The following DYRK2 variants were observed in gnomAD, a reference collection of about 807,000 sequenced individuals.
DYRK2 encodes dual specificity tyrosine-phosphorylation-regulated kinase 2.
Under a neutral mutation model 41.6 loss-of-function variants are expected in DYRK2, and 12 were observed. That is an observed-to-expected ratio of 0.29 (90% CI 0.18 to 0.47). DYRK2 has a LOEUF of 0.47. DYRK2 is among the 20% of genes least tolerant of loss of function. The pLI is 1.00. For synonymous variants in DYRK2, 322 were observed against 315.7 expected, an observed-to-expected ratio of 1.02 and a Z score of -0.21; for missense variants, 678 against 798.4, an observed-to-expected ratio of 0.85 and a Z score of 1.82.
chr12:67,652,122 G>A (rs773846584), intron 2 of DYRK2, among the ~76,000 whole-genome samples: 19 of 152,102 alleles, frequency 1.2e-4, no homozygotes, highest in Non-Finnish European at 2.1e-4. Context: ...TCTTACAGGT[G>A]ATATAGTAGG....
At position 67,661,917 on chromosome 12, in the gene DYRK2, T is replaced by G. The variant is rs560139759; in HGVS notation, c.*3204T>G. On this transcript the variant is annotated 3_prime_UTR_variant, in exon 3 of 3. Coordinates refer to ENST00000344096, the MANE Select transcript of DYRK2 (RefSeq NM_006482.3). Reference sequence around the variant, plus strand: ...GCATTTGGTATGAACCAAAGTGCATTCCTTTTATATGTGCCTGGCTCTAGT... The same window carrying G: ...GCATTTGGTATGAACCAAAGTGCATGCCTTTTATATGTGCCTGGCTCTAGT... 1.3e-4 allele frequency: 21 copies of G among 166,974 alleles called. No individual in the cohort carries two copies. Among genetic ancestry groups the G allele is most frequent in the African/African-American group, 4.6e-4 (19 of 41,576 alleles). The allele number at this position is 166,974 out of a possible 1,614,324, so 10.3% of individuals were successfully genotyped here.
intron 1 of DYRK2, among the ~76,000 whole-genome samples, chr12:67,649,403 G>T (rs1234235173): frequency 6.6e-6 from 1 of 151,742 alleles, no homozygotes; most frequent in East Asian, 2.0e-4. Flanking sequence ...GCTTCTGCCT[G>T]CCGGGGGCCC....
chr12:67,655,897 G>A (rs1028164085), intron 2 of DYRK2, among the ~76,000 whole-genome samples: 8 of 152,218 alleles, frequency 5.3e-5, no homozygotes, highest in Non-Finnish European at 1.0e-4. Context: ...AAAGGGGATA[G>A]TAGAAAAAAT....
rs1381264511 is a variant in DYRK2, at chr12:67,664,507, C to G, written c.*5794C>G. On this transcript the variant is annotated 3_prime_UTR_variant, in exon 3 of 3. Coordinates refer to ENST00000344096, the MANE Select transcript of DYRK2 (RefSeq NM_006482.3). Reference sequence around the variant, plus strand: ...TGAACATCAGTTTATCCTTATACATCCCTATGAGCTATAATTATCCTCATT... The same window carrying G: ...TGAACATCAGTTTATCCTTATACATGCCTATGAGCTATAATTATCCTCATT... 6.6e-6 allele frequency: 1 copy of G among 152,104 alleles called. No homozygotes were observed. Among genetic ancestry groups the G allele is most frequent in the East Asian group, 1.9e-4 (1 of 5,200 alleles). 9.4% of individuals were successfully genotyped at this position (152,104 alleles called of 1,614,324 possible). A position where few individuals can be genotyped will look rare whatever the true frequency, so the allele number is the denominator to read the frequency against.
chr12:67,657,121 CACA>C lies in DYRK2; in HGVS notation c.215_217del (p.His72_Thr73delinsPro). ...TGAATTCCAGATTGGCGGCAGTAAG[CACA>C]CAATGAATGATCACCTGCATGTCGG... On this transcript the variant is annotated inframe_deletion, in exon 3 of 3. Coordinates refer to ENST00000344096, the MANE Select transcript of DYRK2 (RefSeq NM_006482.3). This position sits in a 1 kb window ranked among gnomAD's most constrained non-coding sequence, Gnocchi z 4.8. 6.4e-7 allele frequency: 1 copy of C among 1,558,230 alleles called. No individual in the cohort carries two copies. Among genetic ancestry groups the C allele is most frequent in the Non-Finnish European group, 8.7e-7 (1 of 1,152,412 alleles).
chr12:67,665,267 C>T lies in DYRK2; in HGVS notation c.*6554C>T, dbSNP rs539912530. The T allele has an allele frequency of 6.6e-6, 1 of 152,182 alleles. No individual in the cohort carries two copies. Among genetic ancestry groups the T allele is most frequent in the South Asian group, 2.1e-4 (1 of 4,824 alleles). The allele number at this position is 152,182 out of a possible 1,614,324, so 9.4% of individuals were successfully genotyped here. ...TCTTCATTTGTAAAAATGAAGTATG[C>T]TATTTGCAAAGCAAAAGCCCATGAA... On this transcript the variant is annotated 3_prime_UTR_variant, in exon 3 of 3. Coordinates refer to ENST00000344096, the MANE Select transcript of DYRK2 (RefSeq NM_006482.3).
chr12:67,650,277 C>G lies in DYRK2; in HGVS notation c.198+332C>G, dbSNP rs537203452. On this transcript the variant is annotated intron_variant, in intron 2 of 2. Transcript: ENST00000344096. Reference sequence around the variant, plus strand: ...GCATCCCAGAGTTCCCTTCCCTGACCCGGTAAACATCTCTGTCCTTCCCCC... The same window carrying G: ...GCATCCCAGAGTTCCCTTCCCTGACGCGGTAAACATCTCTGTCCTTCCCCC... Among the ~76,000 whole-genome samples, 4 of 152,304 alleles carry G rather than the reference C, an allele frequency of 2.6e-5. No individual in the cohort carries two copies. The South Asian group carries it at 8.3e-4, about 32-fold the overall frequency.
In DYRK2 at chr12:67,657,312, G is replaced by T; in HGVS notation, c.405G>T (p.Gly135=). 1 of 1,613,960 alleles carries T rather than the reference G, an allele frequency of 6.2e-7. No individual in the cohort carries two copies. The highest frequency in any genetic ancestry group is 1.1e-5 in the South Asian group (1 of 91,026). Residue 135 remains glycine, a synonymous_variant, in exon 3 of 3, where the codon GGG becomes GGT. Transcript: ENST00000344096. This position sits in a 1 kb window ranked among gnomAD's most constrained non-coding sequence, Gnocchi z 4.8. ...TGGACAGCATTCATAGACGGCAGGG[G>T]AGCTCCACCTCTCTAAAGTCCATGG... The part of the protein sequence containing the change: ...RQLDSIHRRQ[G]SSTSLKSMEG...
chr12:67,648,866 C>T lies in DYRK2; in HGVS notation c.-268C>T, dbSNP rs1041418380. The T allele has an allele frequency of 4.7e-5, 13 of 278,726 alleles. No individual in the cohort carries two copies. Among genetic ancestry groups the T allele is most frequent in the Non-Finnish European group, 8.6e-5 (13 of 151,286 alleles). 17.3% of individuals were successfully genotyped at this position (278,726 alleles called of 1,614,324 possible). A position where few individuals can be genotyped will look rare whatever the true frequency, so the allele number is the denominator to read the frequency against. Reference sequence around the variant, plus strand: ...CCGCGGCGCGCAGGGGAGGGCGAGGCATGTGCACGGGCCGGAGGGTGCTGC... The same window carrying T: ...CCGCGGCGCGCAGGGGAGGGCGAGGTATGTGCACGGGCCGGAGGGTGCTGC... On this transcript the variant is annotated 5_prime_UTR_variant, in exon 1 of 3. Transcript: ENST00000344096.
At chr12:67,653,618 A>G (rs1366092583) in intron 2 of DYRK2, among the ~76,000 whole-genome samples, 1 of 152,232 alleles carries the variant, frequency 6.6e-6, no homozygotes, top group Non-Finnish European at 1.5e-5. Flanking sequence ...CTTGTGACTT[A>G]GGTCACCAGG....
At chr12:67,655,286 C>T (rs1418952557) in intron 2 of DYRK2, among the ~76,000 whole-genome samples, 1 of 152,176 alleles carries the variant, frequency 6.6e-6, no homozygotes, top group East Asian at 1.9e-4. Flanking sequence ...AATATCACCA[C>T]TCCACTCTAA....
intron 2 of DYRK2, among the ~76,000 whole-genome samples, chr12:67,656,086 G>T (rs955568190): frequency 6.6e-6 from 1 of 152,200 alleles, no homozygotes; most frequent in African/African-American, 2.4e-5. Context: ...ACTAGGGGTT[G>T]TCCAAGGCAG....
chr12:67,659,003 T>C lies in DYRK2; in HGVS notation c.*290T>C. 1 of 281,270 alleles carries C rather than the reference T, an allele frequency of 3.6e-6. No individual in the cohort carries two copies. Among genetic ancestry groups the C allele is most frequent in the Non-Finnish European group, 7.0e-6 (1 of 142,964 alleles). The allele number at this position is 281,270 out of a possible 1,614,324, so 17.4% of individuals were successfully genotyped here. Reference sequence around the variant, plus strand: ...ATAACATCAGTGGCAGGCCACTGATTACTTCATGACTGCCACGCATTTACA... The same window carrying C: ...ATAACATCAGTGGCAGGCCACTGATCACTTCATGACTGCCACGCATTTACA... On this transcript the variant is annotated 3_prime_UTR_variant, in exon 3 of 3. Coordinates refer to ENST00000344096, the MANE Select transcript of DYRK2 (RefSeq NM_006482.3).
Position 67,657,400 on chromosome 12 carries a change from C to G in DYRK2, c.493C>G (p.Gln165Glu), listed in dbSNP as rs1220515482. Residue 165 changes from glutamine to glutamate, a missense_variant, in exon 3 of 3, where the codon CAA becomes GAA. By Grantham distance (29) the Gln-to-Glu change is conservative (BLOSUM62 2). Around this residue, in one of 2 missense-constraint regions of DYRK2, gnomAD observed 285 missense variants for 279.2 expected, o/e 1.02. Transcript: ENST00000344096. The surrounding 1 kb of genome is among the most constrained non-coding windows in gnomAD (Gnocchi z 4.8). ...TGAACAAGCAATGAAGCAATACATG[C>G]AAAAACTCACAGCCTTCGAACACCA... Reference protein sequence around the residue: ...TPEQAMKQYMQKLTAFEHHEI... With the variant: ...TPEQAMKQYMEKLTAFEHHEI... 5 of 1,614,000 alleles carry G rather than the reference C, an allele frequency of 3.1e-6. No individual in the cohort carries two copies. The highest frequency in any genetic ancestry group is 1.3e-5 in the African/African-American group (1 of 74,902).
At position 67,649,094 on chromosome 12, in the gene DYRK2, G is replaced by A; in HGVS notation, c.-40G>A. 1 of 1,466,322 alleles carries A rather than the reference G, an allele frequency of 6.8e-7. No homozygotes were observed. Among genetic ancestry groups the A allele is most frequent in the East Asian group, 3.0e-5 (1 of 32,990 alleles). The allele number at this position is 1,466,322 out of a possible 1,614,324, so 90.8% of individuals were successfully genotyped here. On this transcript the variant is annotated 5_prime_UTR_variant, in exon 1 of 3. Transcript: ENST00000344096. ...AGAAGTAGCAGCAGGACCGGCGGCG[G>A]CGACGGCAGCCCTGAAATGCATTTT...
rs61733656 is a variant in DYRK2, at chr12:67,658,304, C to T, written c.1397C>T (p.Thr466Ile). Reference sequence around the variant, plus strand: ...TCCAAGGGTTATCCCCGTTACTGCACTGTCACGACTCTCTCAGATGGCTCT... The same window carrying T: ...TCCAAGGGTTATCCCCGTTACTGCATTGTCACGACTCTCTCAGATGGCTCT... ...VSSKGYPRYC[T>I]VTTLSDGSVV... Residue 466 changes from threonine (T) to isoleucine (I), a missense_variant, in exon 3 of 3, where the codon ACT becomes ATT. By Grantham distance (89) the Thr-to-Ile change is moderately conservative. Transcript: ENST00000344096. This position sits in a 1 kb window ranked among gnomAD's most constrained non-coding sequence, Gnocchi z 4.3. 6.2e-7 allele frequency: 1 copy of T among 1,614,232 alleles called. No homozygotes were observed. Among genetic ancestry groups the T allele is most frequent in the South Asian group, 1.1e-5 (1 of 91,088 alleles).
chr12:67,653,845 G>A (rs1364285018), intron 2 of DYRK2, among the ~76,000 whole-genome samples: 1 of 152,204 alleles, frequency 6.6e-6, no homozygotes, highest in Admixed American at 6.5e-5. Context: ...CCCTGGAATT[G>A]CTCACAGCCA....
chr12:67,652,384 A>T (rs932284519), intron 2 of DYRK2: 2 of 152,180 alleles, frequency 1.3e-5, no homozygotes, highest in Non-Finnish European at 2.9e-5. Context: ...CTGTTTTACT[A>T]TGTAAAACAC....
In DYRK2 at chr12:67,648,905, A is replaced by G; in HGVS notation, c.-229A>G. On this transcript the variant is annotated 5_prime_UTR_variant, in exon 1 of 3. Coordinates refer to ENST00000344096, the MANE Select transcript of DYRK2 (RefSeq NM_006482.3). ...GGAGGGTGCTGCAGCCGCCCGAGGA[A>G]GAGGAGGACGGCGGCGAGGAGGAGA... 1 of 327,852 alleles carries G rather than the reference A, an allele frequency of 3.1e-6. No individual in the cohort carries two copies. Among genetic ancestry groups the G allele is most frequent in the Non-Finnish European group, 5.5e-6 (1 of 183,388 alleles). 20.3% of individuals were successfully genotyped at this position (327,852 alleles called of 1,614,324 possible).
Sources: allele counts gnomAD v4.1 joint callset (sites outside exome capture counted in the v4.1 genomes callset), GRCh38; gene constraint gnomAD v4.1.1; regional missense constraint gnomAD v4.1.1; non-coding constraint Gnocchi (gnomAD v3.1); transcripts MANE v1.5; gene names NCBI Gene and HGNC (gene_info 2026-07-23, HGNC 2026-07-21).